The following SLC8A3 variants were observed in gnomAD, a reference collection of about 807,000 sequenced individuals.
SLC8A3 encodes solute carrier family 8 member A3.
SLC8A3 carries 37 observed loss-of-function variants against 65.4 expected under a neutral mutation model. The ratio of observed to expected loss-of-function variants is 0.57; its 90% confidence interval spans 0.44 to 0.74. The LOEUF is 0.74. SLC8A3 is among the 30% of genes least tolerant of loss of function. SLC8A3 has a pLI of 0.00. For synonymous variants in SLC8A3, 461 were observed against 444.5 expected, an observed-to-expected ratio of 1.04 and a Z score of -0.47; for missense variants, 1,112 against 1,172.1, an observed-to-expected ratio of 0.95 and a Z score of 0.75.
intron 1 of SLC8A3, among the ~76,000 whole-genome samples, chr14:70,184,199 G>A (rs996461920): frequency 1.3e-5 from 2 of 152,090 alleles, no homozygotes; most frequent in African/African-American, 4.8e-5. Context: ...AGACTGCCGG[G>A]ACCATACACC....
intron 1 of SLC8A3, among the ~76,000 whole-genome samples, chr14:70,171,988 G>T (rs950869488): frequency 1.3e-5 from 2 of 152,076 alleles, no homozygotes; most frequent in Non-Finnish European, 2.9e-5. Context: ...CAAGCCAGTC[G>T]TCATTTTTTA....
At chr14:70,140,739 T>C (rs1169462463) in intron 2 of SLC8A3, among the ~76,000 whole-genome samples, 1 of 152,232 alleles carries the variant, frequency 6.6e-6, no homozygotes, top group Non-Finnish European at 1.5e-5. Flanking sequence ...CCTGAAAACT[T>C]AGCTCAAGCT....
rs1468551887 is a variant in SLC8A3, at chr14:70,052,043, A to G, written c.1960T>C (p.Leu654=). 2.5e-6 allele frequency: 4 copies of G among 1,613,058 alleles called. No homozygotes were observed. Among genetic ancestry groups the G allele is most frequent in the Non-Finnish European group, 1.7e-6 (2 of 1,179,730 alleles). Residue 654 remains leucine (L), a synonymous_variant, in exon 4 of 7, where the codon TTG becomes CTG. Transcript: ENST00000356921. ...ACTTCTAGTTTGGGGTGTTCACCCAATACTGGCTTTCCCATCTCTGCTATC... is the reference window on the plus strand; with the variant it reads ...ACTTCTAGTTTGGGGTGTTCACCCAGTACTGGCTTTCCCATCTCTGCTATC... ...KRIAEMGKPV[L]GEHPKLEVII... is the part of the protein sequence containing the mutation.
intron 2 of SLC8A3, among the ~76,000 whole-genome samples, chr14:70,066,749 T>C (rs1889475116): frequency 6.6e-6 from 1 of 152,182 alleles, no homozygotes; most frequent in Admixed American, 6.5e-5. Context: ...AGGCGGAGGT[T>C]GCAGTGAGCC....
chr14:70,163,579 AT>A (rs1897002940), intron 2 of SLC8A3, among the ~76,000 whole-genome samples: 2 of 152,186 alleles, frequency 1.3e-5, no homozygotes, highest in Non-Finnish European at 2.9e-5. Flanking sequence ...GAAGCTATCC[AT>A]TTCGGTTTCC....
chr14:70,180,443 A>T (rs1882649428), intron 1 of SLC8A3, among the ~76,000 whole-genome samples: 2 of 152,286 alleles, frequency 1.3e-5, no homozygotes, highest in South Asian at 4.1e-4. Flanking sequence ...CTAGGAGCAG[A>T]TTCCTCAGAC....
chr14:70,045,252 C>T lies in SLC8A3; in HGVS notation c.*695G>A, dbSNP rs567154492. Reference sequence around the variant, plus strand: ...GCTTATTTCTACCCCAACACCATCACTCCTCCCAAGAACTCAGAGAAAACA... The same window carrying T: ...GCTTATTTCTACCCCAACACCATCATTCCTCCCAAGAACTCAGAGAAAACA... On this transcript the variant is annotated 3_prime_UTR_variant, in exon 7 of 7. Transcript: ENST00000356921. 3.9e-5 allele frequency: 6 copies of T among 152,288 alleles called. No homozygotes were observed. Among genetic ancestry groups the T allele is most frequent in the African/African-American group, 1.4e-4 (6 of 41,534 alleles). The allele number at this position is 152,288 out of a possible 1,614,324, so 9.4% of individuals were successfully genotyped here. A position where few individuals can be genotyped will look rare whatever the true frequency, so the allele number is the denominator to read the frequency against.
At position 70,183,736 on chromosome 14, in the gene SLC8A3, G is replaced by A. The variant is rs542395574; in HGVS notation, c.-63+4643C>T. 3.3e-5 allele frequency among the ~76,000 whole-genome samples: 5 copies of A among 152,308 alleles called. No individual in the cohort carries two copies. In the South Asian group the frequency reaches 8.3e-4, roughly 25 times the overall value. On this transcript the variant is annotated intron_variant, in intron 1 of 6. Coordinates refer to ENST00000356921, the MANE Select transcript of SLC8A3 (RefSeq NM_182932.3). The stretch of plus-strand genomic sequence containing the variant: ...AAGAGGTCAGGCTGGCAGGACCAGA[G>A]GAAAGCAAAAAGAGAAAGCAGATAA...
At chr14:70,145,379 C>T (rs1414397473) in intron 2 of SLC8A3, among the ~76,000 whole-genome samples, 4 of 152,216 alleles carry the variant, frequency 2.6e-5, no homozygotes, top group African/African-American at 9.6e-5. Flanking sequence ...TACATCATTG[C>T]AGAGAAAAGA....
intron 2 of SLC8A3, among the ~76,000 whole-genome samples, chr14:70,144,168 C>T (rs778019077): frequency 6.4e-4 from 97 of 152,262 alleles, no homozygotes; most frequent in Non-Finnish European, 8.2e-4. Flanking sequence ...TGAAAGCATA[C>T]ATTCTGGTCT....
Position 70,051,018 on chromosome 14 carries a change from G to T in SLC8A3, c.2103C>A (p.Thr701=), listed in dbSNP as rs771418729. 1.9e-6 allele frequency: 3 copies of T among 1,609,384 alleles called. No individual in the cohort carries two copies. The highest frequency in any genetic ancestry group is 1.7e-5 in the Admixed American group (1 of 60,000). The part of the protein sequence containing the change: ...SWRDQFMEAI[T]VSAAGDEDED... ...TGAGACACTTCTCACCTGCACTGAC[G>T]GTGATGGCCTCCATGAACTGGTCCC... The change falls in exon 5 of 7, where the codon ACC becomes ACA. Residue 701 remains threonine (T), a synonymous_variant. Transcript: ENST00000356921.
At chr14:70,132,137 A>G (rs913131498) in intron 2 of SLC8A3, among the ~76,000 whole-genome samples, 15 of 152,244 alleles carry the variant, frequency 9.9e-5, no homozygotes, top group African/African-American at 3.6e-4. Context: ...GTTGCAATGA[A>G]TTAAAGATGA....
At chr14:70,070,970 A>G (rs538340968) in intron 2 of SLC8A3, among the ~76,000 whole-genome samples, 2 of 152,340 alleles carry the variant, frequency 1.3e-5, no homozygotes, top group African/African-American at 4.8e-5. Flanking sequence ...AGCTCTTGTG[A>G]GATGGTAGGA....
chr14:70,118,509 C>T (rs1441714892), intron 2 of SLC8A3, among the ~76,000 whole-genome samples: 1 of 152,218 alleles, frequency 6.6e-6, no homozygotes, highest in Non-Finnish European at 1.5e-5. Context: ...GCTCAAGTCT[C>T]TATTTATTCT....
chr14:70,172,887 G>T (rs1024210394), intron 1 of SLC8A3, among the ~76,000 whole-genome samples: 1 of 152,118 alleles, frequency 6.6e-6, no homozygotes, highest in African/African-American at 2.4e-5. Flanking sequence ...TCAAGCATGA[G>T]TGAGCTTTAG....
At chr14:70,179,119 A>G (rs2140425538) in intron 1 of SLC8A3, among the ~76,000 whole-genome samples, 1 of 152,246 alleles carries the variant, frequency 6.6e-6, no homozygotes, top group East Asian at 1.9e-4. Context: ...TGTTCTCTCT[A>G]CTTGAAACAA....
chr14:70,165,814 G>A (rs1043028524), intron 2 of SLC8A3, among the ~76,000 whole-genome samples: 1 of 152,220 alleles, frequency 6.6e-6, no homozygotes, highest in African/African-American at 2.4e-5. Flanking sequence ...AGGTACTTCA[G>A]GAGAGTCCTA....
chr14:70,091,752 G>A (rs1891818998), intron 2 of SLC8A3, among the ~76,000 whole-genome samples: 3 of 152,098 alleles, frequency 2.0e-5, no homozygotes, highest in South Asian at 4.2e-4. Flanking sequence ...TTGATTTTTC[G>A]AAGTCATGTT....
chr14:70,114,278 T>C (rs550774429), intron 2 of SLC8A3, among the ~76,000 whole-genome samples: 1 of 152,176 alleles, frequency 6.6e-6, no homozygotes, highest in Non-Finnish European at 1.5e-5. Flanking sequence ...GAAAGGGACA[T>C]TAGGATAGTT....
Sources: gnomAD v4.1 joint callset for allele counts (sites outside exome capture counted in the v4.1 genomes callset) on GRCh38, gnomAD v4.1.1 for gene constraint, MANE v1.5 for transcripts, NCBI Gene and HGNC (gene_info 2026-07-23, HGNC 2026-07-21) for gene names.